Variants in SCLT1 observed in about 807,000 individuals in gnomAD.
SCLT1 encodes sodium channel-associated protein 1.
A neutral mutation model predicts 112.8 loss-of-function variants in SCLT1; 78 were observed. That is an observed-to-expected ratio of 0.69 (90% CI 0.58 to 0.83). SCLT1 has a LOEUF of 0.83. Ranked by LOEUF, SCLT1 falls within the 40% of genes least tolerant of loss-of-function variation. The pLI is 0.00. For missense variants in SCLT1, 747 were observed against 770.4 expected (o/e 0.97, Z 0.36); for synonymous variants, 257 against 254.7 (o/e 1.01, Z -0.09).
At chr4:129,019,700 A>G (rs1745289756) in intron 5 of SCLT1, among the ~76,000 whole-genome samples, 1 of 151,772 alleles carries the variant, frequency 6.6e-6, no homozygotes, top group East Asian at 1.9e-4. Flanking sequence ...ACTGGCTGGT[A>G]TGACTCTCCA....
At chr4:128,888,307 C>T (rs1288101232) in intron 20 of SCLT1, among the ~76,000 whole-genome samples, 1 of 151,608 alleles carries the variant, frequency 6.6e-6, no homozygotes, top group Non-Finnish European at 1.5e-5. Flanking sequence ...GCTTCGACTT[C>T]TTGGGCCCAC....
intron 4 of SCLT1, among the ~76,000 whole-genome samples, chr4:128,875,512 G>T (rs1345512743): frequency 1.3e-5 from 2 of 152,212 alleles, no homozygotes; most frequent in Admixed American, 6.5e-5. Flanking sequence ...AGACTTCAGG[G>T]TCAGAGAGAA....
intron 5 of SCLT1, among the ~76,000 whole-genome samples, chr4:129,026,765 G>C (rs1430867067): frequency 6.6e-6 from 1 of 152,134 alleles, no homozygotes; most frequent in East Asian, 1.9e-4. Context: ...TCCAGGAGCT[G>C]GTTTTTTGAA....
intron 6 of SCLT1, among the ~76,000 whole-genome samples, chr4:129,000,828 A>G (rs982435429): frequency 6.6e-6 from 1 of 151,950 alleles, no homozygotes; most frequent in Non-Finnish European, 1.5e-5. Flanking sequence ...AAGAGAAAGA[A>G]CATTACCATC....
At chr4:128,911,621 G>A (rs964248583) in intron 18 of SCLT1, among the ~76,000 whole-genome samples, 16 of 152,094 alleles carry the variant, frequency 1.1e-4, no homozygotes, top group African/African-American at 3.9e-4. Context: ...GTTACATTTA[G>A]TTTTGACCAT....
At chr4:128,921,108 T>C (rs1049674095) in intron 18 of SCLT1, among the ~76,000 whole-genome samples, 5 of 152,024 alleles carry the variant, frequency 3.3e-5, no homozygotes, top group African/African-American at 1.2e-4. Flanking sequence ...AGGGGAAAGA[T>C]CTCTACAATG....
chr4:128,883,439 G>A (rs1284659757), downstream of SCLT1, among the ~76,000 whole-genome samples: 1 of 152,008 alleles, frequency 6.6e-6, no homozygotes, highest in African/African-American at 2.4e-5. Flanking sequence ...ACAGCATTAG[G>A]AGAAATACCT....
chr4:129,069,112 T>C (rs558339786), intron 2 of SCLT1, among the ~76,000 whole-genome samples: 1 of 152,312 alleles, frequency 6.6e-6, no homozygotes, highest in African/African-American at 2.4e-5. Context: ...TTGGGTTCTC[T>C]ATTCCGTTCC....
At chr4:129,053,475 A>G (rs571020210) in intron 2 of SCLT1, among the ~76,000 whole-genome samples, 2 of 147,144 alleles carry the variant, frequency 1.4e-5, no homozygotes, top group East Asian at 4.0e-4. Flanking sequence ...TCCCTTTAAC[A>G]TTATGTAATG....
chr4:129,024,129 A>C (rs978312652), intron 5 of SCLT1, among the ~76,000 whole-genome samples: 3 of 152,224 alleles, frequency 2.0e-5, no homozygotes, highest in Admixed American at 1.3e-4. Context: ...ACAAACAAAA[A>C]GACAGCAGTA....
At chr4:129,073,121 G>A (rs2125757495) in intron 2 of SCLT1, among the ~76,000 whole-genome samples, 1 of 152,162 alleles carries the variant, frequency 6.6e-6, no homozygotes, top group South Asian at 2.1e-4. Flanking sequence ...GGCTTGTACT[G>A]GGGATTGTCT....
intron 12 of SCLT1, among the ~76,000 whole-genome samples, chr4:128,959,120 AG>A (rs1238492875): frequency 6.6e-6 from 1 of 152,228 alleles, no homozygotes; most frequent in Non-Finnish European, 1.5e-5. Flanking sequence ...TTGACAGCAC[AG>A]GAATCACAAT....
At chr4:128,906,062 C>T (rs554597390) in intron 18 of SCLT1, among the ~76,000 whole-genome samples, 97 of 152,234 alleles carry the variant, frequency 6.4e-4, no homozygotes, top group African/African-American at 1.6e-3. Context: ...TTAGCCTATG[C>T]ATGCTTTAAT....
chr4:128,890,775 G>A (rs1733247008), intron 19 of SCLT1, among the ~76,000 whole-genome samples: 1 of 152,146 alleles, frequency 6.6e-6, no homozygotes, highest in Non-Finnish European at 1.5e-5. Context: ...TTTTAGAGAT[G>A]CATAAGAATA....
At chr4:128,901,618 A>C (rs186443) in intron 18 of SCLT1, among the ~76,000 whole-genome samples, 1 of 151,884 alleles carries the variant, frequency 6.6e-6, no homozygotes, top group South Asian at 2.1e-4. Context: ...ACATGTATAC[A>C]TATGTAACTA....
chr4:128,990,864 C>CA (rs1742505254), intron 9 of SCLT1, among the ~76,000 whole-genome samples: 1 of 145,706 alleles, frequency 6.9e-6, no homozygotes, highest in Non-Finnish European at 1.5e-5. Flanking sequence ...TACTCAGGAA[C>CA]AAAAAACCAA....
chr4:128,950,539 G>A (rs1478464611), intron 14 of SCLT1, among the ~76,000 whole-genome samples: 2 of 151,932 alleles, frequency 1.3e-5, no homozygotes, highest in Non-Finnish European at 2.9e-5. Context: ...CCTACCTTTG[G>A]GGGAAAATAT....
At chr4:129,008,522 C>T (rs1744230076) in intron 5 of SCLT1, among the ~76,000 whole-genome samples, 1 of 152,110 alleles carries the variant, frequency 6.6e-6, no homozygotes, top group Non-Finnish European at 1.5e-5. Flanking sequence ...TCTTTTGCTA[C>T]TTTTGAAATT....
rs1429456409 is a variant in SCLT1 at position 129,093,539 on chromosome 4, C to T, written c.-436G>A. 2 of 171,174 alleles carry T rather than the reference C, an allele frequency of 1.2e-5. No homozygotes were observed. The highest frequency in any genetic ancestry group is 2.4e-5 in the African/African-American group (1 of 42,066). The allele number at this position is 171,174 out of a possible 1,614,324, so 10.6% of individuals were successfully genotyped here. ...GAAGCCCCAGGCCAGCAGCGGAAGT[C>T]CACTCGGCCCGCCCTGCGACTTTGA... On this transcript the variant is annotated 5_prime_UTR_variant, in exon 1 of 21. Coordinates refer to ENST00000281142, the MANE Select transcript of SCLT1 (RefSeq NM_144643.4).
Sources: gnomAD v4.1 joint callset for allele counts (sites outside exome capture counted in the v4.1 genomes callset) on GRCh38, gnomAD v4.1.1 for gene constraint, MANE v1.5 for transcripts, NCBI Gene and HGNC (gene_info 2026-07-23, HGNC 2026-07-21) for gene names.